Variants in RYR2 observed in about 807,000 individuals in gnomAD.
RYR2 encodes ryanodine receptor 2, also known as cardiac muscle ryanodine receptor-calcium release channel.
A neutral mutation model predicts 601.1 loss-of-function variants in RYR2; 227 were observed. That is an observed-to-expected ratio of 0.38 (90% CI 0.34 to 0.42). The LOEUF (loss-of-function observed/expected upper bound fraction) is 0.42. Ranked by LOEUF, RYR2 falls within the 10% of genes least tolerant of loss-of-function variation. The pLI, the probability that RYR2 is intolerant of heterozygous loss-of-function variation, is 1.00. For synonymous variants in RYR2, 2,223 were observed against 2,175.1 expected (o/e 1.02, Z -0.61); for missense variants, 4,646 against 6,156.5 (o/e 0.75, Z 8.21).
At chr1:237,504,785 G>A (rs1250472016) in intron 22 of RYR2, among the ~76,000 whole-genome samples, 2 of 152,056 alleles carry the variant, frequency 1.3e-5, no homozygotes, top group Non-Finnish European at 2.9e-5. Flanking sequence ...AACCTTTTTG[G>A]CACTAGGTAC....
chr1:237,146,833 A>T (rs2485578), intron 1 of RYR2, among the ~76,000 whole-genome samples: 91,230 of 151,268 alleles, frequency 0.6, 28,167 homozygotes, highest in Non-Finnish European at 0.67. Flanking sequence ...TAATCTTTTT[A>T]AAAAAGAGAT....
chr1:237,752,195 G>A (rs1017488605), intron 80 of RYR2, among the ~76,000 whole-genome samples: 3 of 152,222 alleles, frequency 2.0e-5, no homozygotes, highest in Non-Finnish European at 2.9e-5. Context: ...ATGTTTGTTT[G>A]TTTATTTATT....
At chr1:237,539,369 G>A (rs749960764) in intron 25 of RYR2, among the ~76,000 whole-genome samples, 2 of 152,114 alleles carry the variant, frequency 1.3e-5, no homozygotes, top group African/African-American at 2.4e-5. Flanking sequence ...CTTGGGCTAT[G>A]GTCTATGAAA....
intron 12 of RYR2, among the ~76,000 whole-genome samples, chr1:237,433,872 A>C (rs555806220): frequency 6.6e-6 from 1 of 151,844 alleles, no homozygotes; most frequent in African/African-American, 2.4e-5. Context: ...GCAAACACTT[A>C]AAAAAAATGA....
At chr1:237,742,173 G>A (rs1691666280) in intron 79 of RYR2, 123 bp from the exon 80 acceptor site, 3 of 682,298 alleles carry the variant, frequency 4.4e-6, no homozygotes, top group South Asian at 1.8e-5. Context: ...TCTTACATGT[G>A]TTTAAACAAG....
chr1:237,154,637 A>G (rs1223907918), intron 1 of RYR2, among the ~76,000 whole-genome samples: 1 of 152,052 alleles, frequency 6.6e-6, no homozygotes, highest in East Asian at 1.9e-4. Flanking sequence ...ACATAGCAAG[A>G]CCCTATCTCA....
At chr1:237,185,550 ACT>A (rs138624681) in intron 1 of RYR2, among the ~76,000 whole-genome samples, 6,422 of 144,874 alleles carry the variant, frequency 0.044, 471 homozygotes, top group African/African-American at 0.15. Context: ...AGCATCTCTG[ACT>A]CTCTCTCGGT....
chr1:237,119,968 C>G (rs1670594828), intron 1 of RYR2, among the ~76,000 whole-genome samples: 1 of 152,172 alleles, frequency 6.6e-6, no homozygotes, highest in Admixed American at 6.5e-5. Flanking sequence ...TCCGAGAGCA[C>G]AGGCAAATGT....
intron 17 of RYR2, among the ~76,000 whole-genome samples, chr1:237,474,383 G>T (rs115597546): frequency 6.6e-6 from 1 of 151,506 alleles, no homozygotes; most frequent in Non-Finnish European, 1.5e-5. Context: ...TCCTGACAAC[G>T]TAATTGGTTT....
At chr1:237,534,756 C>T (rs1668435749) in intron 25 of RYR2, among the ~76,000 whole-genome samples, 1 of 151,900 alleles carries the variant, frequency 6.6e-6, no homozygotes, top group African/African-American at 2.4e-5. Context: ...ATCCTTTTTT[C>T]ATGCCTTTAT....
chr1:237,503,198 TG>T, intron 21 of RYR2, 90 bp from the exon 22 acceptor site: 1 of 1,157,558 alleles, frequency 8.6e-7, no homozygotes. Context: ...AAAATACTTT[TG>T]TACTAACAAT....
intron 80 of RYR2, among the ~76,000 whole-genome samples, chr1:237,745,092 C>T (rs982727897): frequency 4.6e-5 from 7 of 152,078 alleles, no homozygotes; most frequent in African/African-American, 1.2e-4. Flanking sequence ...TGAGCCACCA[C>T]GCCCAGCCAC....
In RYR2 at chr1:237,211,535, G is replaced by C. The variant is rs576197182; in HGVS notation, c.49-58962G>C. On this transcript the variant is annotated intron_variant, in intron 1 of 104. Coordinates refer to ENST00000366574, the MANE Select transcript of RYR2 (RefSeq NM_001035.3). Reference sequence around the variant, plus strand: ...ACGTGGTACAGCTGGGATGAGAACAGAGCTTTTCCTCTATTTAGTCTAGGA... The same window carrying C: ...ACGTGGTACAGCTGGGATGAGAACACAGCTTTTCCTCTATTTAGTCTAGGA... 1.6e-4 allele frequency among the ~76,000 whole-genome samples: 25 copies of C among 152,338 alleles called. No homozygotes were observed. In the South Asian group the frequency reaches 5.0e-3, roughly 30 times the overall value.
chr1:237,682,124 C>G (rs1239185328), intron 62 of RYR2, among the ~76,000 whole-genome samples: 1 of 152,098 alleles, frequency 6.6e-6, no homozygotes, highest in Admixed American at 6.5e-5. Flanking sequence ...TTCACTGAGC[C>G]CATACTATGC....
rs180992568 is a variant in RYR2 at position 237,786,099 on chromosome 1, T to C, written c.13328+63T>C. The C allele has an allele frequency of 2.9e-6, 3 of 1,036,882 alleles. No homozygotes were observed. In the Admixed American group the frequency reaches 6.3e-5, roughly 22 times the overall value. The allele number at this position is 1,036,882 out of a possible 1,614,324, so 64.2% of individuals were successfully genotyped here. A position where few individuals can be genotyped will look rare whatever the true frequency, so the allele number is the denominator to read the frequency against. ...TTTGTCATTACATCTCTTTTTCTTG[T>C]ACTCTGTCTTTGGGAGCTGCAAGGG... On this transcript the variant is annotated intron_variant, in intron 91 of 104. Transcript: ENST00000366574.
intron 51 of RYR2, 50 bp from the exon 52 acceptor site, chr1:237,654,223 AT>A (rs1312184461): frequency 6.4e-6 from 10 of 1,571,894 alleles, no homozygotes; most frequent in African/African-American, 1.4e-5. Context: ...TGAAAAAAAA[AT>A]ATAAAAGGTT....
intron 1 of RYR2, among the ~76,000 whole-genome samples, chr1:237,238,489 G>A (rs1401556343): frequency 1.3e-5 from 2 of 152,210 alleles, no homozygotes; most frequent in African/African-American, 4.8e-5. Context: ...TCCTGGGGCT[G>A]TGTCATGGGC....
intron 27 of RYR2, among the ~76,000 whole-genome samples, chr1:237,562,653 C>T (rs779288485): frequency 3.9e-5 from 6 of 152,110 alleles, no homozygotes; most frequent in Non-Finnish European, 5.9e-5. Context: ...GAATATGTCT[C>T]CCAACTATTC....
intron 71 of RYR2, among the ~76,000 whole-genome samples, chr1:237,715,832 T>C (rs914517089): frequency 3.3e-5 from 5 of 152,200 alleles, no homozygotes; most frequent in Non-Finnish European, 5.9e-5. Context: ...ATTTTTAGGA[T>C]AGTGGTTCTT....
Sources: gnomAD v4.1 joint callset for allele counts (sites outside exome capture counted in the v4.1 genomes callset) on GRCh38, gnomAD v4.1.1 for gene constraint, MANE v1.5 for transcripts, NCBI Gene and HGNC (gene_info 2026-07-23, HGNC 2026-07-21) for gene names.